EPB41L3: variants seen among roughly 807,000 people sequenced by gnomAD.
The protein encoded by EPB41L3 is band 4.1-like protein 3.
Under a neutral mutation model 127.1 loss-of-function variants are expected in EPB41L3, and 57 were observed. The ratio of observed to expected loss-of-function variants is 0.45; its 90% CI spans 0.36 to 0.56. EPB41L3 has a LOEUF of 0.56. Among genes scored for constraint, EPB41L3 ranks in the 20% least tolerant of loss-of-function variants. The pLI, the probability that EPB41L3 is intolerant of heterozygous loss-of-function variation, is 0.00. For missense variants in EPB41L3, 1,273 were observed against 1,372.2 expected (o/e 0.93, Z 1.14); for synonymous variants, 572 against 549.5 (o/e 1.04, Z -0.57).
At chr18:5,426,456 C>T (rs553691864) in intron 9 of EPB41L3, among the ~76,000 whole-genome samples, 3 of 152,278 alleles carry the variant, frequency 2.0e-5, no homozygotes, top group African/African-American at 7.2e-5. Context: ...GCATTTGTTC[C>T]CTCCCGTCTA....
chr18:5,446,084 C>T (rs1391403071), intron 3 of EPB41L3, among the ~76,000 whole-genome samples: 1 of 152,196 alleles, frequency 6.6e-6, no homozygotes, highest in Non-Finnish European at 1.5e-5. Context: ...AAACCTATCC[C>T]AAATCCTTAG....
At chr18:5,497,019 G>C (rs2091250905) in intron 1 of EPB41L3, among the ~76,000 whole-genome samples, 1 of 152,174 alleles carries the variant, frequency 6.6e-6, no homozygotes, top group Non-Finnish European at 1.5e-5. Context: ...CTCCAAGAAG[G>C]AAAAATTTAA....
rs1348769432 is a variant in EPB41L3, at chr18:5,528,385, A to G, written c.-12+15528T>C. 3.3e-5 allele frequency among the ~76,000 whole-genome samples: 5 copies of G among 151,938 alleles called. No individual in the cohort carries two copies. In the East Asian group the frequency reaches 7.8e-4, roughly 24 times the overall value. ...GAGGTGGGGTCTCACTATTTTGCTC[A>G]AGCTGGTCTCAAACTCCTGAGCTCA... is the stretch of plus-strand genomic sequence containing the variant. On this transcript the variant is annotated intron_variant, in intron 1 of 22. Transcript: ENST00000341928.
chr18:5,546,222 G>C (rs2093879025), upstream of EPB41L3, among the ~76,000 whole-genome samples: 2 of 152,172 alleles, frequency 1.3e-5, no homozygotes, highest in South Asian at 4.1e-4. Flanking sequence ...AGACAACTAA[G>C]TATTTTTTTA....
rs762354755 is a variant in EPB41L3 at position 5,397,271 on chromosome 18, G to C, written c.2628C>G (p.Asp876Glu). The C allele has an allele frequency of 6.2e-7, 1 of 1,614,048 alleles. No individual in the cohort carries two copies. Among genetic ancestry groups the C allele is most frequent in the South Asian group, 1.1e-5 (1 of 91,072 alleles). Residue 876 changes from aspartate to glutamate, a missense_variant, in exon 18 of 23, where the codon GAC (aspartate) becomes GAG (glutamate). Physicochemically the swap from Asp to Glu is conservative, Grantham distance 45. Transcript: ENST00000341928. This position sits in a 1 kb window ranked among gnomAD's most constrained non-coding sequence, Gnocchi z 4.1. ...ASGDASYSAG[D>E]SGDAAAQPAF... ...CGGGCTGTGCTGCAGCATCCCCGCT[G>C]TCTCCCGCCGAGTAAGAAGCATCCC... is the stretch of plus-strand genomic sequence containing the variant.
intron 3 of EPB41L3, among the ~76,000 whole-genome samples, chr18:5,451,566 C>T (rs927569712): frequency 2.6e-5 from 4 of 152,346 alleles, no homozygotes; most frequent in South Asian, 4.1e-4. Context: ...TATCCCTGAC[C>T]GTAAAGACAT....
At chr18:5,576,742 GGC>G (rs2094340021) in intron 3 of EPB41L3, among the ~76,000 whole-genome samples, 1 of 152,148 alleles carries the variant, frequency 6.6e-6, no homozygotes, top group Non-Finnish European at 1.5e-5. Context: ...GAAGTTGCGT[GGC>G]CAGTTGTTTT....
intron 3 of EPB41L3, among the ~76,000 whole-genome samples, chr18:5,573,094 A>G (rs2094300468): frequency 6.6e-6 from 1 of 152,214 alleles, no homozygotes; most frequent in Admixed American, 6.5e-5. Flanking sequence ...GAAAGTCAAG[A>G]AAGTGCAAGT....
rs149980837 is a variant in EPB41L3, at chr18:5,430,266, C to G, written c.913-1801G>C. ...TCTAGTACACCCTTAGCAAATGGCA[C>G]TGAAATAAACTACCACTTGTCTTCC... On this transcript the variant is annotated intron_variant, in intron 8 of 22. Transcript: ENST00000341928. 2.6e-3 allele frequency among the ~76,000 whole-genome samples: 401 copies of G among 152,276 alleles called. 1 individual carries two copies. The highest frequency in any genetic ancestry group is 0.01 in the Middle Eastern group (3 of 294).
intron 11 of EPB41L3, among the ~76,000 whole-genome samples, chr18:5,420,772 A>G (rs941801148): frequency 3.9e-5 from 6 of 152,240 alleles, no homozygotes; most frequent in Non-Finnish European, 7.3e-5. Context: ...AAACTTATAA[A>G]TGTTGCTTTT....
chr18:5,400,705 T>C (rs2143153688), intron 16 of EPB41L3: 1 of 515,710 alleles, frequency 1.9e-6, no homozygotes, highest in Admixed American at 3.0e-5. Context: ...TTCAGCAAGA[T>C]TATTATCAGA....
chr18:5,528,302 G>A (rs1391655394), intron 1 of EPB41L3, among the ~76,000 whole-genome samples: 1 of 152,072 alleles, frequency 6.6e-6, no homozygotes, highest in South Asian at 2.1e-4. Flanking sequence ...CCCAGTAGTA[G>A]CTGGAACTAC....
At chr18:5,455,626 T>C (rs988536502) in intron 3 of EPB41L3, among the ~76,000 whole-genome samples, 2 of 151,942 alleles carry the variant, frequency 1.3e-5, no homozygotes, top group African/African-American at 4.8e-5. Context: ...GGTGCTTTTT[T>C]TTTTTTAATT....
intron 2 of EPB41L3, chr18:5,614,276 T>C (rs1277549890): frequency 6.6e-6 from 1 of 152,258 alleles, no homozygotes; most frequent in African/African-American, 2.4e-5. Flanking sequence ...CATCACCTTA[T>C]AATGAATCTC....
At chr18:5,617,607 C>T (rs1411642283) in intron 1 of EPB41L3, among the ~76,000 whole-genome samples, 1 of 152,150 alleles carries the variant, frequency 6.6e-6, no homozygotes, top group African/African-American at 2.4e-5. Flanking sequence ...CGTGAGCCAC[C>T]GCGCCCGGCC....
intron 5 of EPB41L3, among the ~76,000 whole-genome samples, chr18:5,441,462 ATTTTTTTTT>A (rs201943060): frequency 7.2e-6 from 1 of 139,720 alleles, no homozygotes; most frequent in African/African-American, 2.7e-5. Flanking sequence ...TCGAATTCCA[ATTTTTTTTT>A]TTTTTTTTTT....
At chr18:5,404,993 G>A (rs2075125855) in intron 16 of EPB41L3, among the ~76,000 whole-genome samples, 1 of 152,194 alleles carries the variant, frequency 6.6e-6, no homozygotes, top group South Asian at 2.1e-4. Flanking sequence ...GAATGGAACT[G>A]AAGTGTAATG....
At chr18:5,481,960 T>C (rs2088642955) in intron 2 of EPB41L3, among the ~76,000 whole-genome samples, 1 of 151,896 alleles carries the variant, frequency 6.6e-6, no homozygotes, top group Admixed American at 6.6e-5. Context: ...TTAAAACTAA[T>C]CCTTCTATAC....
chr18:5,539,248 TTCTC>T (rs10598127), intron 1 of EPB41L3, among the ~76,000 whole-genome samples: 31,000 of 147,476 alleles, frequency 0.21, 3,526 homozygotes, highest in African/African-American at 0.32. Flanking sequence ...CCTTTCTGCT[TTCTC>T]TCTCTCTCTC....
Sources: allele counts gnomAD v4.1 joint callset (sites outside exome capture counted in the v4.1 genomes callset), GRCh38; gene constraint gnomAD v4.1.1; non-coding constraint Gnocchi (gnomAD v3.1); transcripts MANE v1.5; gene names NCBI Gene and HGNC (gene_info 2026-07-23, HGNC 2026-07-21).